Variants in TSPAN7 observed in about 807,000 individuals in gnomAD.
The protein encoded by TSPAN7 is tetraspanin-7.
TSPAN7 carries 1 observed loss-of-function variant against 17.6 expected under a neutral mutation model. The ratio of observed to expected loss-of-function variants is 0.06; its 90% CI spans 0.02 to 0.27. The LOEUF (loss-of-function observed/expected upper bound fraction) is 0.27, where lower values mean the gene tolerates loss of function less well. TSPAN7 is among the 10% of genes least tolerant of loss of function. The pLI is 1.00. For synonymous variants in TSPAN7, 78 were observed against 79.0 expected (o/e 0.99, Z 0.07); for missense variants, 112 against 201.7 (o/e 0.56, Z 2.69).
intron 1 of TSPAN7, among the ~76,000 whole-genome samples, chrX:38,574,169 A>G (rs1478899940): frequency 8.9e-6 from 1 of 112,614 alleles, no homozygotes; most frequent in Non-Finnish European, 1.9e-5. Context: ...AACAAGTAGT[A>G]AAATACTAAA....
intron 2 of TSPAN7, among the ~76,000 whole-genome samples, chrX:38,668,083 A>C (rs2069794517): frequency 8.9e-6 from 1 of 112,287 alleles, no homozygotes; most frequent in South Asian, 3.7e-4. Flanking sequence ...CATCCATTCA[A>C]ACAAGAAGGG....
At chrX:38,654,816 G>A (rs1368826493) in intron 1 of TSPAN7, among the ~76,000 whole-genome samples, 2 of 112,479 alleles carry the variant, frequency 1.8e-5, no homozygotes, top group African/African-American at 6.5e-5. Context: ...AGTATACAAA[G>A]GTGATAGGTG....
intron 1 of TSPAN7, chrX:38,566,411 T>A: frequency 2.5e-6 from 2 of 785,265 alleles, no homozygotes; most frequent in Non-Finnish European, 3.3e-6. Flanking sequence ...ATAGTAGGTT[T>A]ACTCACTAAA....
chrX:38,576,086 A>G (rs1308428711), intron 1 of TSPAN7, among the ~76,000 whole-genome samples: 3 of 112,167 alleles, frequency 2.7e-5, no homozygotes, highest in Non-Finnish European at 5.6e-5. Context: ...TTGCCATTGT[A>G]GTGTGAAAGC....
intron 1 of TSPAN7, among the ~76,000 whole-genome samples, chrX:38,594,709 A>C (rs934472610): frequency 2.7e-5 from 3 of 112,099 alleles, no homozygotes; most frequent in Non-Finnish European, 5.7e-5. Context: ...AAATACAATA[A>C]AATTTGTTTT....
rs996304326 is a variant in TSPAN7 at position 38,563,210 on chromosome X, A to G, written c.81+1583A>G. The G allele has an allele frequency of 4.0e-5, 32 of 801,592 alleles. No homozygotes were observed. In the Middle Eastern group the frequency reaches 1.0e-3, roughly 26 times the overall value. The allele number at this position is 801,592 out of a possible 1,213,427, so 66.1% of individuals were successfully genotyped here. On this transcript the variant is annotated intron_variant, in intron 1 of 7. Transcript: ENST00000378482. Reference sequence around the variant, plus strand: ...TAGGATAGATTAACTGGCATATTGCACAAGGCAAACACAGAAACGGACTTT... The same window carrying G: ...TAGGATAGATTAACTGGCATATTGCGCAAGGCAAACACAGAAACGGACTTT...
intron 1 of TSPAN7, among the ~76,000 whole-genome samples, chrX:38,588,786 T>G (rs1227969286): frequency 8.9e-6 from 1 of 112,054 alleles, no homozygotes; most frequent in African/African-American, 3.2e-5. Context: ...AGGTGCTATT[T>G]TTATGTACTG....
intron 1 of TSPAN7, among the ~76,000 whole-genome samples, chrX:38,594,022 A>G (rs2069305596): frequency 8.9e-6 from 1 of 111,736 alleles, no homozygotes; most frequent in Admixed American, 9.4e-5. Context: ...TCTTTCTCTG[A>G]TAGTGAGAAA....
chrX:38,604,125 T>C (rs1250423413), intron 1 of TSPAN7, among the ~76,000 whole-genome samples: 52 of 100,084 alleles, frequency 5.2e-4, no homozygotes, highest in African/African-American at 1.8e-3. Flanking sequence ...ATGCGGTGTT[T>C]GGTTTTTTGT....
intron 2 of TSPAN7, among the ~76,000 whole-genome samples, chrX:38,670,082 A>G (rs2069810341): frequency 8.9e-6 from 1 of 111,965 alleles, no homozygotes; most frequent in Non-Finnish European, 1.9e-5. Context: ...TTTTAAGCCA[A>G]CATTTCCTTT....
chrX:38,610,510 G>C (rs1279136761), intron 1 of TSPAN7, among the ~76,000 whole-genome samples: 1 of 111,471 alleles, frequency 9.0e-6, no homozygotes, highest in African/African-American at 3.3e-5. Context: ...ATCACCTGGG[G>C]AGCTTTCCAA....
At chrX:38,593,354 C>T (rs759448248) in intron 1 of TSPAN7, among the ~76,000 whole-genome samples, 1 of 110,768 alleles carries the variant, frequency 9.0e-6, no homozygotes, top group Non-Finnish European at 1.9e-5. Flanking sequence ...TTTTGTGGTT[C>T]CTTTTATGGA....
chrX:38,602,217 A>G (rs2069350344), intron 1 of TSPAN7, among the ~76,000 whole-genome samples: 1 of 112,067 alleles, frequency 8.9e-6, no homozygotes, highest in Non-Finnish European at 1.9e-5. Flanking sequence ...CAGTAGTATG[A>G]TGTATGTGCT....
At chrX:38,683,679 A>G (rs1410905518) in intron 6 of TSPAN7, among the ~76,000 whole-genome samples, 1 of 112,614 alleles carries the variant, frequency 8.9e-6, no homozygotes, top group Non-Finnish European at 1.9e-5. Context: ...AACTGCAGCT[A>G]TTTATGGTGC....
At chrX:38,605,409 G>A (rs1268365722) in intron 1 of TSPAN7, among the ~76,000 whole-genome samples, 1 of 111,037 alleles carries the variant, frequency 9.0e-6, no homozygotes, top group East Asian at 2.8e-4. Context: ...GGAAGTAAAA[G>A]AGGATACAAA....
Position 38,603,184 on chromosome X carries a change from C to G in TSPAN7, c.81+41557C>G, listed in dbSNP as rs187611950. Among the ~76,000 whole-genome samples the G allele has an allele frequency of 2.9e-4, 32 of 111,725 alleles. 1 individual carries two copies. In the East Asian group the frequency reaches 8.8e-3, roughly 31 times the overall value. ...ACACATGAAAAACGCATGATATTAA[C>G]CATTAGGAAAATGCAAATCAAAACT... On this transcript the variant is annotated intron_variant, in intron 1 of 7. Transcript: ENST00000378482.
In TSPAN7 at chrX:38,608,722, C is replaced by T. The variant is rs2069400144; in HGVS notation, c.81+47095C>T. On this transcript the variant is annotated intron_variant, in intron 1 of 7. Coordinates refer to ENST00000378482, the MANE Select transcript of TSPAN7 (RefSeq NM_004615.4). The stretch of plus-strand genomic sequence containing the variant: ...AATTACTGCCTGAAAGAAAATGTCC[C>T]ACAATCCCATTAATCAAAGATAACT... 5.4e-5 allele frequency among the ~76,000 whole-genome samples: 6 copies of T among 111,475 alleles called. No homozygotes were observed. The Admixed American group carries it at 5.7e-4, about 11-fold the overall frequency.
intron 1 of TSPAN7, among the ~76,000 whole-genome samples, chrX:38,614,867 G>A (rs939655732): frequency 8.9e-6 from 1 of 112,340 alleles, no homozygotes; most frequent in Non-Finnish European, 1.9e-5. Context: ...CCCATTCAGT[G>A]TCATGAGCAC....
At chrX:38,641,796 GA>G (rs1159160263) in intron 1 of TSPAN7, among the ~76,000 whole-genome samples, 1 of 111,603 alleles carries the variant, frequency 9.0e-6, no homozygotes, top group Non-Finnish European at 1.9e-5. Flanking sequence ...AAGGTAGGAT[GA>G]AAGAGAGAGT....
Sources: gnomAD v4.1 joint callset for allele counts (sites outside exome capture counted in the v4.1 genomes callset) on GRCh38, gnomAD v4.1.1 for gene constraint, MANE v1.5 for transcripts, NCBI Gene and HGNC (gene_info 2026-07-23, HGNC 2026-07-21) for gene names.